The following SPEM2 variants were observed in gnomAD, a reference collection of about 807,000 sequenced individuals.
SPEM2 encodes SPEM family member 2, also known as uncharacterized protein SPEM2.
A neutral mutation model predicts 9.3 loss-of-function variants in SPEM2; 15 were observed. The observed-to-expected ratio is 1.62, with a 90% CI of 1.08 to 2.50. SPEM2 has a LOEUF of 2.50. Ranked by LOEUF, SPEM2 falls within the 30% of genes most tolerant of loss-of-function variation. The pLI, the probability that SPEM2 is intolerant of heterozygous loss-of-function variation, is 0.00. For missense variants in SPEM2, 678 were observed against 690.0 expected (o/e 0.98, Z 0.19); for synonymous variants, 268 against 272.4 (o/e 0.98, Z 0.16).
At position 7,427,284 on chromosome 17, in the gene SPEM2, C is replaced by G; in HGVS notation, c.1293C>G (p.Pro431=). ...TCCCCCATTCCTCCCAGCCCTGGCC[C>G]AAAGTCCAGGCTGCGGACCCTGCCC... ...VLVPHSSQPW[P]KVQAADPAPP... Residue 431 remains proline, a synonymous_variant, in exon 3 of 3, where the codon CCC becomes CCG. Coordinates refer to ENST00000333870, the MANE Select transcript of SPEM2 (RefSeq NM_175734.5). This position sits in a 1 kb window ranked among gnomAD's most constrained non-coding sequence, Gnocchi z 5.4. The G allele has an allele frequency of 6.2e-7, 1 of 1,614,148 alleles. No homozygotes were observed. Among genetic ancestry groups the G allele is most frequent in the Non-Finnish European group, 8.5e-7 (1 of 1,179,994 alleles).
chr17:7,426,687 C>T lies in SPEM2; in HGVS notation c.696C>T (p.Pro232=), dbSNP rs1476531849. ...GTATCCTGGCCAGTCTGCCACCACC[C>T]TCTCTCTACCTGTCACCTGAGCTGC... The part of the protein sequence containing the change: ...QGGILASLPP[P]SLYLSPELRC... The change falls in exon 3 of 3, where the codon CCC becomes CCT. Residue 232 remains proline (P), a synonymous_variant. Coordinates refer to ENST00000333870, the MANE Select transcript of SPEM2 (RefSeq NM_175734.5). The surrounding 1 kb of genome is among the most constrained non-coding windows in gnomAD (Gnocchi z 5.3). The T allele has an allele frequency of 2.5e-6, 4 of 1,613,880 alleles. No homozygotes were observed. Among genetic ancestry groups the T allele is most frequent in the Admixed American group, 3.3e-5 (2 of 60,004 alleles).
Position 7,427,462 on chromosome 17 carries a change from T to C in SPEM2, c.1471T>C (p.Ser491Pro). The change falls in exon 3 of 3, where the codon TCT (serine) becomes CCT (proline). Residue 491 changes from serine to proline, a missense_variant. Transcript: ENST00000333870. The surrounding 1 kb of genome is among the most constrained non-coding windows in gnomAD (Gnocchi z 5.4). ...GGCTTCCACCTCCACCTTGAGGCCC[T>C]CTCTGCACAGGAGCCAGACCGAGAA... is the stretch of plus-strand genomic sequence containing the variant. ...PPASTSTLRP[S>P]LHRSQTEKLN is the part of the protein sequence containing the mutation. The C allele has an allele frequency of 1.3e-6, 2 of 1,597,016 alleles. No individual in the cohort carries two copies. The highest frequency in any genetic ancestry group is 1.7e-6 in the Non-Finnish European group (2 of 1,169,846).
rs533987172 is a variant in SPEM2 at position 7,426,592 on chromosome 17, C to T, written c.601C>T (p.Arg201Cys). 10 of 1,614,044 alleles carry T rather than the reference C, an allele frequency of 6.2e-6. No individual in the cohort carries two copies. Among genetic ancestry groups the T allele is most frequent in the South Asian group, 2.2e-5 (2 of 91,092 alleles). ...CTTCCCGTATCCCAAGTACCCACGT[C>T]GCGGCTGGGGCGGGTTTTATCAGAG... ...LPFPYPKYPR[R>C]GWGGFYQRAG... is the part of the protein sequence containing the mutation. Residue 201 changes from arginine to cysteine, a missense_variant, in exon 3 of 3, where the codon CGC (arginine) becomes TGC (cysteine). Physicochemically the swap from Arg to Cys is radical, Grantham distance 180 (BLOSUM62 -3). Coordinates refer to ENST00000333870, the MANE Select transcript of SPEM2 (RefSeq NM_175734.5). This position sits in a 1 kb window ranked among gnomAD's most constrained non-coding sequence, Gnocchi z 5.3.
In SPEM2 at chr17:7,425,653, G is replaced by A; in HGVS notation, c.-36G>A. On this transcript the variant is annotated 5_prime_UTR_variant, in exon 1 of 3. Transcript: ENST00000333870. ...GTTGGGGCCGGGGGTGGGGGGCAGA[G>A]GGGGGTGGCCCAGGTGGCCCTAGGA... is the stretch of plus-strand genomic sequence containing the variant. The A allele has an allele frequency of 6.2e-7, 1 of 1,602,856 alleles. No individual in the cohort carries two copies. Among genetic ancestry groups the A allele is most frequent in the Non-Finnish European group, 8.5e-7 (1 of 1,173,950 alleles).
rs891053869 is a variant in SPEM2 at position 7,426,134 on chromosome 17, A to G, written c.197-54A>G. The G allele has an allele frequency of 2.5e-6, 4 of 1,613,684 alleles. No individual in the cohort carries two copies. In the African/African-American group the frequency reaches 4.0e-5, roughly 16 times the overall value. ...AGAAACCCAGGCCCCAGTGTTCCCA[A>G]CCTTGAGCTCTTCTGACAATTGCCC... On this transcript the variant is annotated intron_variant, in intron 2 of 2. Transcript: ENST00000333870. The surrounding 1 kb of genome is among the most constrained non-coding windows in gnomAD (Gnocchi z 5.3).
Position 7,425,802 on chromosome 17 carries a change from C to A in SPEM2, c.114C>A (p.Asn38Lys). ...LLLLGLIVLV[N>K]IGINVATMMW... The stretch of plus-strand genomic sequence containing the variant: ...TGCTGGGCCTCATCGTTCTTGTCAA[C>A]ATTGGCATCAACGTGGCAACTATGG... Residue 38 changes from asparagine to lysine, a missense_variant, in exon 1 of 3, where the codon AAC becomes AAA. By Grantham distance (94) the Asn-to-Lys change is moderately conservative. Transcript: ENST00000333870. 1 of 1,614,208 alleles carries A rather than the reference C, an allele frequency of 6.2e-7. No homozygotes were observed. Among genetic ancestry groups the A allele is most frequent in the Non-Finnish European group, 8.5e-7 (1 of 1,180,010 alleles).
rs1028306260 is a variant in SPEM2 at position 7,425,642 on chromosome 17, T to C, written c.-47T>C. ...GTGCAGTGTGGGTTGGGGCCGGGGG[T>C]GGGGGGCAGAGGGGGGTGGCCCAGG... On this transcript the variant is annotated 5_prime_UTR_variant, in exon 1 of 3. Transcript: ENST00000333870. 13 of 1,214,530 alleles carry C rather than the reference T, an allele frequency of 1.1e-5. No homozygotes were observed. The East Asian group carries it at 2.4e-4, about 22-fold the overall frequency. 75.2% of individuals were successfully genotyped at this position (1,214,530 alleles called of 1,614,324 possible).
In SPEM2 at chr17:7,427,248, C is replaced by T. The variant is rs1292119756; in HGVS notation, c.1257C>T (p.Ser419=). The change falls in exon 3 of 3, where the codon AGC becomes AGT. Residue 419 remains serine (S), a synonymous_variant. Transcript: ENST00000333870. This position sits in a 1 kb window ranked among gnomAD's most constrained non-coding sequence, Gnocchi z 5.4. ...CCCATCAACGGACCCCAGCTCCAAG[C>T]TCAGTGCTGGTCCCCCATTCCTCCC... The part of the protein sequence containing the change: ...EASHQRTPAP[S]SVLVPHSSQP... 1.2e-6 allele frequency: 2 copies of T among 1,614,226 alleles called. No individual in the cohort carries two copies. Among genetic ancestry groups the T allele is most frequent in the Non-Finnish European group, 1.7e-6 (2 of 1,180,030 alleles).
Position 7,426,175 on chromosome 17 carries a change from T to C in SPEM2, c.197-13T>C, listed in dbSNP as rs748416641. ...ACAATTGCCCTGACTTCATGGACTC[T>C]TGCCTTCCCCAGATGAAATTCAGGC... On this transcript the variant is annotated splice_polypyrimidine_tract_variant and intron_variant, in intron 2 of 2. Coordinates refer to ENST00000333870, the MANE Select transcript of SPEM2 (RefSeq NM_175734.5). The surrounding 1 kb of genome is among the most constrained non-coding windows in gnomAD (Gnocchi z 5.3). The C allele has an allele frequency of 2.5e-6, 4 of 1,613,044 alleles. No individual in the cohort carries two copies. The highest frequency in any genetic ancestry group is 3.4e-6 in the Non-Finnish European group (4 of 1,179,232).
In SPEM2 at chr17:7,426,055, G is replaced by A. The variant is rs772867396; in HGVS notation, c.196+5G>A. 6.8e-6 allele frequency: 11 copies of A among 1,614,208 alleles called. No individual in the cohort carries two copies. Among genetic ancestry groups the A allele is most frequent in the Non-Finnish European group, 9.3e-6 (11 of 1,180,026 alleles). On this transcript the variant is annotated splice_donor_5th_base_variant and intron_variant, in intron 2 of 2. Transcript: ENST00000333870. This position sits in a 1 kb window ranked among gnomAD's most constrained non-coding sequence, Gnocchi z 5.3. The stretch of plus-strand genomic sequence containing the variant: ...TTGATTGGGCTACTCAGAAAAGTAA[G>A]TGTGGCTGCTGGAGAGGTAGGGGAC...
At position 7,425,752 on chromosome 17, in the gene SPEM2, G is replaced by A. The variant is rs906192506; in HGVS notation, c.64G>A (p.Asp22Asn). The part of the protein sequence containing the change: ...CCNQYQESPH[D>N]AEDILLLLLG... ...CAATCAATACCAAGAAAGCCCCCAC[G>A]ATGCCGAGGACATCTTACTCCTGCT... Residue 22 changes from aspartate to asparagine, a missense_variant, in exon 1 of 3, where the codon GAT becomes AAT. Physicochemically the swap from Asp to Asn is conservative, Grantham distance 23 (BLOSUM62 1). Transcript: ENST00000333870. 2 of 1,614,196 alleles carry A rather than the reference G, an allele frequency of 1.2e-6. No individual in the cohort carries two copies. Among genetic ancestry groups the A allele is most frequent in the South Asian group, 1.1e-5 (1 of 91,082 alleles).
rs745811343 is a variant in SPEM2 at position 7,426,532 on chromosome 17, C to T, written c.541C>T (p.Pro181Ser). 9 of 1,614,020 alleles carry T rather than the reference C, an allele frequency of 5.6e-6. No homozygotes were observed. In the African/African-American group the frequency reaches 6.7e-5, roughly 12 times the overall value. The stretch of plus-strand genomic sequence containing the variant: ...AGTGCCTTTCTTTGATCAGGAGGAC[C>T]CGGATTCCTACCTGGAGGAGGAGGA... ...HRVPFFDQED[P>S]DSYLEEEDNL... The change falls in exon 3 of 3, where the codon CCG (proline) becomes TCG (serine). Residue 181 changes from proline (P) to serine (S), a missense_variant. Pro to Ser is a moderately conservative substitution (Grantham distance 74). Transcript: ENST00000333870. This position sits in a 1 kb window ranked among gnomAD's most constrained non-coding sequence, Gnocchi z 5.3.
chr17:7,427,156 G>A lies in SPEM2; in HGVS notation c.1165G>A (p.Ala389Thr), dbSNP rs1367895741. 1 of 1,613,820 alleles carries A rather than the reference G, an allele frequency of 6.2e-7. No individual in the cohort carries two copies. Among genetic ancestry groups the A allele is most frequent in the Non-Finnish European group, 8.5e-7 (1 of 1,179,880 alleles). The change falls in exon 3 of 3, where the codon GCT (alanine) becomes ACT (threonine). Residue 389 changes from alanine (A) to threonine (T), a missense_variant. By Grantham distance (58) the Ala-to-Thr change is moderately conservative. Transcript: ENST00000333870. The surrounding 1 kb of genome is among the most constrained non-coding windows in gnomAD (Gnocchi z 5.4). ...GGTGCGGCGTCGGGCAGCTGACTGG[G>A]CTGAGGCTCTGCCCGCCTGGCGTCC... ...REVRRRAADW[A>T]EALPAWRPLT... is the part of the protein sequence containing the mutation.
rs569879387 is a variant in SPEM2 at position 7,427,432 on chromosome 17, C to T, written c.1441C>T (p.Pro481Ser). 1.9e-6 allele frequency: 3 copies of T among 1,607,796 alleles called. No homozygotes were observed. The highest frequency in any genetic ancestry group is 2.2e-5 in the East Asian group (1 of 44,756). ...GAGCAGAGCCAGGTCCAGCTCACTG[C>T]CACCGGCTTCCACCTCCACCTTGAG... The part of the protein sequence containing the change: ...QKSRARSSSL[P>S]PASTSTLRPS... The change falls in exon 3 of 3, where the codon CCA (proline) becomes TCA (serine). Residue 481 changes from proline (P) to serine (S), a missense_variant. Physicochemically the swap from Pro to Ser is moderately conservative, Grantham distance 74. Coordinates refer to ENST00000333870, the MANE Select transcript of SPEM2 (RefSeq NM_175734.5). The surrounding 1 kb of genome is among the most constrained non-coding windows in gnomAD (Gnocchi z 5.4).
rs1907579814 is a variant in SPEM2 at position 7,426,020 on chromosome 17, G to A, written c.166G>A (p.Asp56Asn). 1 of 1,614,220 alleles carries A rather than the reference G, an allele frequency of 6.2e-7. No individual in the cohort carries two copies. Among genetic ancestry groups the A allele is most frequent in the Non-Finnish European group, 8.5e-7 (1 of 1,180,040 alleles). Residue 56 changes from aspartate to asparagine, a missense_variant, in exon 2 of 3, where the codon GAC becomes AAC. By Grantham distance (23) the Asp-to-Asn change is conservative (BLOSUM62 1). Coordinates refer to ENST00000333870, the MANE Select transcript of SPEM2 (RefSeq NM_175734.5). The surrounding 1 kb of genome is among the most constrained non-coding windows in gnomAD (Gnocchi z 5.3). ...GTGGCATGGACTCCAGAACGCCTTA[G>A]ACAAGATGATTGATTGGGCTACTCA... ...MMWHGLQNAL[D>N]KMIDWATQKN...
In SPEM2 at chr17:7,426,995, A is replaced by G; in HGVS notation, c.1004A>G (p.Glu335Gly). 6.2e-7 allele frequency: 1 copy of G among 1,611,608 alleles called. No individual in the cohort carries two copies. Among genetic ancestry groups the G allele is most frequent in the Non-Finnish European group, 8.5e-7 (1 of 1,179,840 alleles). ...PASVSRNARP[E>G]AQGCREHHSP... Reference sequence around the variant, plus strand: ...TCGGTGTCCCGGAACGCCCGGCCTGAGGCCCAGGGCTGCCGGGAGCACCAC... The same window carrying G: ...TCGGTGTCCCGGAACGCCCGGCCTGGGGCCCAGGGCTGCCGGGAGCACCAC... The change falls in exon 3 of 3, where the codon GAG (glutamate) becomes GGG (glycine). Residue 335 changes from glutamate to glycine, a missense_variant. Glu to Gly is a moderately conservative substitution (Grantham distance 98, BLOSUM62 -2). Transcript: ENST00000333870. The surrounding 1 kb of genome is among the most constrained non-coding windows in gnomAD (Gnocchi z 5.3).
Position 7,425,632 on chromosome 17 carries a change from G to A in SPEM2, c.-57G>A, listed in dbSNP as rs951155897. ...ATTGGCATGAGTGCAGTGTGGGTTG[G>A]GGCCGGGGGTGGGGGGCAGAGGGGG... On this transcript the variant is annotated 5_prime_UTR_variant, in exon 1 of 3. Transcript: ENST00000333870. 4 of 1,548,318 alleles carry A rather than the reference G, an allele frequency of 2.6e-6. No individual in the cohort carries two copies. In the African/African-American group the frequency reaches 4.1e-5, roughly 16 times the overall value.
rs930203884 is a variant in SPEM2, at chr17:7,425,991, A to C, written c.139-2A>C. The stretch of plus-strand genomic sequence containing the variant: ...CCTTCACTCTCTTCCACCCTGCCCC[A>C]GATGTGGCATGGACTCCAGAACGCC... On this transcript the variant is annotated splice_acceptor_variant, in intron 1 of 2. Transcript: ENST00000333870. LOFTEE classifies it high-confidence loss of function. 27 of 1,614,044 alleles carry C rather than the reference A, an allele frequency of 1.7e-5. No homozygotes were observed. The African/African-American group carries it at 2.5e-4, about 15-fold the overall frequency.
At position 7,426,095 on chromosome 17, in the gene SPEM2, CT is replaced by C. The variant is rs775241919; in HGVS notation, c.196+46del. The C allele has an allele frequency of 6.2e-7, 1 of 1,613,710 alleles. No individual in the cohort carries two copies. Among genetic ancestry groups the C allele is most frequent in the Non-Finnish European group, 8.5e-7 (1 of 1,179,630 alleles). ...AGGTAGGGGACCCCCATCCCCACCC[CT>C]GACAATGGCCCTAGAAACCCAGGCC... On this transcript the variant is annotated intron_variant, in intron 2 of 2. Transcript: ENST00000333870. This position sits in a 1 kb window ranked among gnomAD's most constrained non-coding sequence, Gnocchi z 5.3.
Sources: allele counts gnomAD v4.1 joint callset, GRCh38; gene constraint gnomAD v4.1.1; non-coding constraint Gnocchi (gnomAD v3.1); transcripts MANE v1.5; gene names NCBI Gene and HGNC (gene_info 2026-07-23, HGNC 2026-07-21).